Variants in DLGAP1 observed in about 807,000 individuals in gnomAD.
DLGAP1 encodes disks large-associated protein 1.
In DLGAP1, 11 loss-of-function variants were observed where a neutral mutation model predicts 90.8. That is an observed-to-expected ratio of 0.12 (90% confidence interval 0.08 to 0.20). The LOEUF (loss-of-function observed/expected upper bound fraction) is 0.20, where lower values mean the gene tolerates loss of function less well. Ranked by LOEUF, DLGAP1 falls within the 10% of genes least tolerant of loss-of-function variation. The probability of loss-of-function intolerance (pLI) is 1.00; values close to 1 mark genes in which losing one functional copy is unlikely to be tolerated. For synonymous variants in DLGAP1, 558 were observed against 540.7 expected (o/e 1.03, Z -0.44); for missense variants, 1,050 against 1,333.8 (o/e 0.79, Z 3.31).
intron 1 of DLGAP1, among the ~76,000 whole-genome samples, chr18:4,424,258 C>T (rs1347217550): frequency 6.6e-6 from 1 of 152,144 alleles, no homozygotes; most frequent in Admixed American, 6.5e-5. Flanking sequence ...TAAAAGGATG[C>T]AGTCAGATCT....
At chr18:3,836,597 A>T (rs2068397671) in intron 4 of DLGAP1, among the ~76,000 whole-genome samples, 1 of 152,128 alleles carries the variant, frequency 6.6e-6, no homozygotes, top group Non-Finnish European at 1.5e-5. Flanking sequence ...ATGTGACTTG[A>T]ATACCTGGCT....
intron 1 of DLGAP1, among the ~76,000 whole-genome samples, chr18:4,366,152 A>G (rs1012971890): frequency 4.6e-5 from 7 of 152,150 alleles, no homozygotes; most frequent in African/African-American, 2.4e-5. Flanking sequence ...CCATTGGTCA[A>G]AATTTCAATA....
intron 2 of DLGAP1, among the ~76,000 whole-genome samples, chr18:4,116,659 T>A (rs943778423): frequency 1.6e-4 from 24 of 152,242 alleles, no homozygotes; most frequent in African/African-American, 5.8e-4. Context: ...TTTATTTATA[T>A]TTTTGTACTT....
At chr18:4,411,185 C>T (rs1291953350) in intron 1 of DLGAP1, among the ~76,000 whole-genome samples, 1 of 152,174 alleles carries the variant, frequency 6.6e-6, no homozygotes, top group African/African-American at 2.4e-5. Flanking sequence ...ATGCAACTCT[C>T]TGAGTTTCAC....
At chr18:3,880,271 C>T (rs2148826547) in intron 3 of DLGAP1, 131 bp from the exon 4 acceptor site, 1 of 608,178 alleles carries the variant, frequency 1.6e-6, no homozygotes, top group Admixed American at 2.9e-5. Context: ...GCAGCCTCCA[C>T]ATCCTGGGCT....
intron 9 of DLGAP1, among the ~76,000 whole-genome samples, chr18:3,544,562 A>ATT (rs1430519777): frequency 1.3e-5 from 2 of 151,956 alleles, no homozygotes; most frequent in Non-Finnish European, 2.9e-5. Context: ...TTCCAAATAT[A>ATT]TTTTAGCTAT....
intron 1 of DLGAP1, among the ~76,000 whole-genome samples, chr18:4,444,049 C>T (rs2083600944): frequency 6.6e-6 from 1 of 152,166 alleles, no homozygotes; most frequent in African/African-American, 2.4e-5. Context: ...GTTAACCGAA[C>T]ACACACAATA....
chr18:3,759,473 G>T (rs1190150574), intron 5 of DLGAP1, among the ~76,000 whole-genome samples: 1 of 152,162 alleles, frequency 6.6e-6, no homozygotes, highest in African/African-American at 2.4e-5. Context: ...AACATAAAAT[G>T]CAATTCTTTC....
intron 5 of DLGAP1, among the ~76,000 whole-genome samples, chr18:3,780,653 G>T (rs1420257609): frequency 2.0e-5 from 3 of 152,066 alleles, no homozygotes; most frequent in African/African-American, 7.2e-5. Flanking sequence ...ATTCCAACTG[G>T]AATCTTAATT....
chr18:3,631,672 G>C (rs1260382270), intron 7 of DLGAP1, among the ~76,000 whole-genome samples: 1 of 152,118 alleles, frequency 6.6e-6, no homozygotes, highest in Non-Finnish European at 1.5e-5. Flanking sequence ...GCTTGAGCCT[G>C]AGAGGTAGAA....
chr18:3,859,573 C>T (rs1278145217), intron 4 of DLGAP1, among the ~76,000 whole-genome samples: 1 of 152,074 alleles, frequency 6.6e-6, no homozygotes, highest in East Asian at 1.9e-4. Context: ...GAAGGAAAGT[C>T]AGAGCGAGAG....
intron 3 of DLGAP1, among the ~76,000 whole-genome samples, chr18:3,968,907 C>T (rs2073387004): frequency 6.6e-6 from 1 of 151,864 alleles, no homozygotes; most frequent in South Asian, 2.1e-4. Flanking sequence ...GACCTGGTAA[C>T]AAACAAAACT....
At chr18:4,402,732 A>C (rs2144540389) in intron 1 of DLGAP1, among the ~76,000 whole-genome samples, 1 of 152,338 alleles carries the variant, frequency 6.6e-6, no homozygotes, top group South Asian at 2.1e-4. Flanking sequence ...AAAAGAAGAC[A>C]GTCAAAAGGA....
At chr18:3,903,764 T>C (rs988606742) in intron 3 of DLGAP1, among the ~76,000 whole-genome samples, 13 of 152,228 alleles carry the variant, frequency 8.5e-5, no homozygotes, top group African/African-American at 3.1e-4. Context: ...ATGAAAAACA[T>C]TTTAGAAGAT....
rs1328870927 is a variant in DLGAP1 at position 4,368,680 on chromosome 18, CACAT to C, written c.-267+86322_-267+86325del. 1.3e-4 allele frequency among the ~76,000 whole-genome samples: 18 copies of C among 135,380 alleles called. No homozygotes were observed. In the East Asian group the frequency reaches 2.0e-3, roughly 15 times the overall value. The allele number at this position is 135,380 out of a possible 152,430, so 88.8% of individuals were successfully genotyped here. On this transcript the variant is annotated intron_variant, in intron 1 of 12. Coordinates refer to ENST00000315677, the MANE Select transcript of DLGAP1 (RefSeq NM_004746.4). Reference sequence around the variant, plus strand: ...ACACACACACACACACACACACACACACATCCTATTGGTTCTGTTTCTCTAGAGA... The same window carrying C: ...ACACACACACACACACACACACACACCCTATTGGTTCTGTTTCTCTAGAGA...
At chr18:4,253,251 G>A (rs2078820646) in intron 1 of DLGAP1, among the ~76,000 whole-genome samples, 1 of 152,142 alleles carries the variant, frequency 6.6e-6, no homozygotes, top group Non-Finnish European at 1.5e-5. Context: ...ACCCCTTGCA[G>A]GATGCTGTGT....
intron 3 of DLGAP1, among the ~76,000 whole-genome samples, chr18:3,930,076 A>G (rs899474078): frequency 1.3e-5 from 2 of 152,236 alleles, no homozygotes; most frequent in Admixed American, 1.3e-4. Context: ...CAGAACAAAA[A>G]GCAAACTTTG....
intron 2 of DLGAP1, among the ~76,000 whole-genome samples, chr18:4,007,345 T>G (rs532865973): frequency 3.9e-4 from 60 of 152,194 alleles, no homozygotes; most frequent in Non-Finnish European, 5.4e-4. Context: ...CGTGCTGTTT[T>G]ATTACTTTCT....
chr18:4,266,179 C>T (rs1227420041), intron 1 of DLGAP1, among the ~76,000 whole-genome samples: 3 of 152,132 alleles, frequency 2.0e-5, no homozygotes, highest in Non-Finnish European at 4.4e-5. Context: ...AATAAAACTA[C>T]CCATTAGCCA....
Sources: allele counts gnomAD v4.1 joint callset (sites outside exome capture counted in the v4.1 genomes callset), GRCh38; gene constraint gnomAD v4.1.1; transcripts MANE v1.5; gene names NCBI Gene and HGNC (gene_info 2026-07-23, HGNC 2026-07-21).